Variants in VWA5A observed in about 807,000 individuals in gnomAD.
VWA5A encodes von Willebrand factor A domain-containing protein 5A.
In VWA5A, 77 loss-of-function variants were observed where a neutral mutation model predicts 84.6. The ratio of observed to expected loss-of-function variants is 0.91; its 90% CI spans 0.76 to 1.10. The LOEUF (loss-of-function observed/expected upper bound fraction) is 1.10, where lower values mean the gene tolerates loss of function less well. Ranked by LOEUF, VWA5A falls within the 50% of genes least tolerant of loss-of-function variation. The pLI, the probability that VWA5A is intolerant of heterozygous loss-of-function variation, is 0.00. For missense variants in VWA5A, 973 were observed against 963.0 expected, an observed-to-expected ratio of 1.01 and a Z score of -0.14; for synonymous variants, 334 against 350.1, an observed-to-expected ratio of 0.95 and a Z score of 0.51.
Position 124,118,958 on chromosome 11 carries a change from A to T in VWA5A, c.646-17A>T. On this transcript the variant is annotated splice_polypyrimidine_tract_variant and intron_variant, in intron 6 of 18. Coordinates refer to ENST00000456829, the MANE Select transcript of VWA5A (RefSeq NM_001130142.2). Reference sequence around the variant, plus strand: ...GTTATGATTCTAATGTGGCTCCTTTACCTGTCCTCCACTCAGGTTTCCCTG... The same window carrying T: ...GTTATGATTCTAATGTGGCTCCTTTTCCTGTCCTCCACTCAGGTTTCCCTG... 1 of 1,611,908 alleles carries T rather than the reference A, an allele frequency of 6.2e-7. No individual in the cohort carries two copies. The highest frequency in any genetic ancestry group is 8.5e-7 in the Non-Finnish European group (1 of 1,178,488).
At chr11:124,121,969 A>AT (rs1160386839) in intron 7 of VWA5A, among the ~76,000 whole-genome samples, 1 of 152,154 alleles carries the variant, frequency 6.6e-6, no homozygotes, top group African/African-American at 2.4e-5. Context: ...TGTAAATGTT[A>AT]TTTTTTGAAC....
intron 12 of VWA5A, 61 bp from the exon 13 acceptor site, chr11:124,136,067 GT>G: frequency 6.4e-7 from 1 of 1,561,166 alleles, no homozygotes; most frequent in Non-Finnish European, 8.8e-7. Context: ...TAAATGTCCA[GT>G]TAATTGTAGC....
intron 12 of VWA5A, among the ~76,000 whole-genome samples, chr11:124,135,478 A>G (rs887005633): frequency 4.9e-5 from 7 of 144,156 alleles, no homozygotes; most frequent in African/African-American, 1.8e-4. Context: ...TTGCTATTCC[A>G]TTTCATCTTT....
Position 124,136,153 on chromosome 11 carries a change from C to CT in VWA5A, c.1385dup (p.Gln463AlafsTer20), listed in dbSNP as rs1865178709. 1 of 1,614,078 alleles carries CT rather than the reference C, an allele frequency of 6.2e-7. No individual in the cohort carries two copies. Reference sequence around the variant, plus strand: ...GGCTCTCAGGACTCTGAAACGCTCTCTGCAGCCTGTGGTAGAGGATGTCTC... The same window carrying CT: ...GGCTCTCAGGACTCTGAAACGCTCTCTTGCAGCCTGTGGTAGAGGATGTCTC... On this transcript the variant is annotated frameshift_variant, in exon 13 of 19. Transcript: ENST00000456829. LOFTEE classifies it high-confidence loss of function.
At chr11:124,123,621 A>G (rs1864968606) in intron 9 of VWA5A, 39 bp from the exon 10 acceptor site, 1 of 1,614,032 alleles carries the variant, frequency 6.2e-7, no homozygotes, top group Non-Finnish European at 8.5e-7. Flanking sequence ...GGCAAGGTTA[A>G]GTAACCCTCA....
Position 124,117,480 on chromosome 11 carries a change from A to G in VWA5A, c.-15-17A>G, listed in dbSNP as rs1238932995. On this transcript the variant is annotated splice_polypyrimidine_tract_variant and intron_variant, in intron 2 of 18. Transcript: ENST00000456829. Reference sequence around the variant, plus strand: ...ACTTCCAACATGTCCTCTGTTTGTGATATGTCTTTTCTGCAGAAATCTTGC... The same window carrying G: ...ACTTCCAACATGTCCTCTGTTTGTGGTATGTCTTTTCTGCAGAAATCTTGC... 6 of 1,613,470 alleles carry G rather than the reference A, an allele frequency of 3.7e-6. No individual in the cohort carries two copies. Among genetic ancestry groups the G allele is most frequent in the African/African-American group, 1.3e-5 (1 of 75,026 alleles).
intron 15 of VWA5A, 91 bp from the exon 16 acceptor site, chr11:124,141,507 G>T: frequency 6.6e-7 from 1 of 1,521,054 alleles, no homozygotes; most frequent in Non-Finnish European, 8.9e-7. Context: ...AGCCAGTGTG[G>T]ATGGGGGGGT....
At chr11:124,118,106 C>T (rs990603882) in intron 4 of VWA5A, 83 bp from the exon 5 acceptor site, 33 of 1,429,720 alleles carry the variant, frequency 2.3e-5, no homozygotes, top group East Asian at 7.1e-5. Context: ...ATCACACAGT[C>T]GCTCTGCACT....
chr11:124,124,390 G>A (rs536346313), intron 11 of VWA5A, 74 bp downstream of exon 11: 25 of 1,534,294 alleles, frequency 1.6e-5, no homozygotes, highest in South Asian at 6.4e-5. Context: ...ACATGATGCC[G>A]GTGTTGACCT....
At chr11:124,139,614 A>G (rs146602279) in intron 15 of VWA5A, among the ~76,000 whole-genome samples, 1 of 151,602 alleles carries the variant, frequency 6.6e-6, no homozygotes, top group Non-Finnish European at 1.5e-5. Flanking sequence ...GTGTATAGAA[A>G]CACTAATGAC....
In VWA5A at chr11:124,146,429, T is replaced by C. The variant is rs1326731738; in HGVS notation, c.*484T>C. ...AGTTGAAAGCCAACATCTGGATCAA[T>C]GTAATGTCAAGATCACAAAGACAGA... is the stretch of plus-strand genomic sequence containing the variant. On this transcript the variant is annotated 3_prime_UTR_variant, in exon 19 of 19. Coordinates refer to ENST00000456829, the MANE Select transcript of VWA5A (RefSeq NM_001130142.2). 1 of 154,352 alleles carries C rather than the reference T, an allele frequency of 6.5e-6. No individual in the cohort carries two copies. The highest frequency in any genetic ancestry group is 2.0e-4 in the South Asian group (1 of 4,960). 9.6% of individuals were successfully genotyped at this position (154,352 alleles called of 1,614,324 possible). A position where few individuals can be genotyped will look rare whatever the true frequency, so the allele number is the denominator to read the frequency against.
Position 124,118,538 on chromosome 11 carries a change from T to A in VWA5A, c.475T>A (p.Ser159Thr). 1 of 1,614,116 alleles carries A rather than the reference T, an allele frequency of 6.2e-7. No homozygotes were observed. Among genetic ancestry groups the A allele is most frequent in the Non-Finnish European group, 8.5e-7 (1 of 1,180,008 alleles). The part of the protein sequence containing the change: ...LNPRYQFSGS[S>T]KDSCLNVKTP... ...ACTAAGGTCATCTTTTATAGGGTCG[T>A]CTAAGGACAGTTGCCTTAATGTGAA... Residue 159 changes from serine (S) to threonine (T), a missense_variant, in exon 6 of 19, where the codon TCT becomes ACT. Ser to Thr is a moderately conservative substitution (Grantham distance 58, BLOSUM62 1). Coordinates refer to ENST00000456829, the MANE Select transcript of VWA5A (RefSeq NM_001130142.2).
chr11:124,119,076 T>C lies in VWA5A; in HGVS notation c.747T>C (p.Pro249=). The change falls in exon 7 of 19, where the codon CCT becomes CCC. Residue 249 remains proline, a synonymous_variant. Transcript: ENST00000456829. ...TPSVVLEMGM[P]NMKPGHLMGD... is the part of the protein sequence containing the mutation. ...GCGTGGTTTTGGAGATGGGGATGCCTAACATGAAGCCAGGTATTTTCTTTC... is the reference window on the plus strand; with the variant it reads ...GCGTGGTTTTGGAGATGGGGATGCCCAACATGAAGCCAGGTATTTTCTTTC... 6.2e-7 allele frequency: 1 copy of C among 1,614,000 alleles called. No homozygotes were observed. Among genetic ancestry groups the C allele is most frequent in the Non-Finnish European group, 8.5e-7 (1 of 1,179,926 alleles).
intron 11 of VWA5A, among the ~76,000 whole-genome samples, chr11:124,126,526 C>T (rs571964602): frequency 1.3e-5 from 2 of 152,168 alleles, no homozygotes; most frequent in South Asian, 2.1e-4. Context: ...TTTGGGAGGC[C>T]GAGGCAGGCA....
chr11:124,120,625 A>G (rs1168510240), intron 7 of VWA5A, among the ~76,000 whole-genome samples: 1 of 152,130 alleles, frequency 6.6e-6, no homozygotes, highest in Non-Finnish European at 1.5e-5. Flanking sequence ...TCTCCATGCT[A>G]AGGTCATTCA....
chr11:124,134,798 G>A (rs1335908842), intron 11 of VWA5A, 122 bp from the exon 12 acceptor site: 3 of 622,684 alleles, frequency 4.8e-6, no homozygotes, highest in Non-Finnish European at 8.1e-6. Flanking sequence ...GTAAATGGTA[G>A]CTGTTACACT....
chr11:124,118,903 C>A, intron 6 of VWA5A, 72 bp from the exon 7 acceptor site: 1 of 1,461,262 alleles, frequency 6.8e-7, no homozygotes, highest in Admixed American at 1.9e-5. Flanking sequence ...AGGAGGACTG[C>A]GCCCTAACCT....
At chr11:124,142,373 A>G (rs2137666359) in intron 16 of VWA5A, 69 bp from the exon 17 acceptor site, 1 of 1,573,924 alleles carries the variant, frequency 6.4e-7, no homozygotes, top group Non-Finnish European at 8.6e-7. Context: ...TAGCAGCCCT[A>G]AATTCAAGTG....
At chr11:124,138,053 G>A (rs1173430575) in intron 15 of VWA5A, among the ~76,000 whole-genome samples, 2 of 152,120 alleles carry the variant, frequency 1.3e-5, no homozygotes, top group East Asian at 3.9e-4. Flanking sequence ...TAGAGATGGG[G>A]TTTTGCCATT....
Sources: gnomAD v4.1 joint callset for allele counts (sites outside exome capture counted in the v4.1 genomes callset) on GRCh38, gnomAD v4.1.1 for gene constraint, MANE v1.5 for transcripts, NCBI Gene and HGNC (gene_info 2026-07-23, HGNC 2026-07-21) for gene names.